LRRC7: variants seen among roughly 807,000 people sequenced by gnomAD.
LRRC7 encodes the protein leucine rich repeat containing 7, also known as leucine-rich repeat-containing protein 7.
LRRC7 carries 23 observed loss-of-function variants against 175.7 expected under a neutral mutation model. The observed-to-expected ratio is 0.13, with a 90% confidence interval of 0.09 to 0.19. LRRC7 has a LOEUF of 0.19. Ranked by LOEUF, LRRC7 falls within the 10% of genes least tolerant of loss-of-function variation. The pLI is 1.00. For synonymous variants in LRRC7, 685 were observed against 680.9 expected, an observed-to-expected ratio of 1.01 and a Z score of -0.09; for missense variants, 1,354 against 1,904.7, an observed-to-expected ratio of 0.71 and a Z score of 5.38.
At chr1:69,922,027 G>C (rs566527966) in intron 7 of LRRC7, among the ~76,000 whole-genome samples, 31 of 152,248 alleles carry the variant, frequency 2.0e-4, no homozygotes, top group African/African-American at 7.0e-4. Flanking sequence ...CCAGATTCAA[G>C]CAATTCTCCT....
At chr1:69,858,704 C>T (rs1684004568) in intron 7 of LRRC7, among the ~76,000 whole-genome samples, 1 of 152,058 alleles carries the variant, frequency 6.6e-6, no homozygotes, top group African/African-American at 2.4e-5. Flanking sequence ...ATATTTATAT[C>T]AGAATCAACT....
At chr1:69,955,231 G>A (rs1041589908) in intron 8 of LRRC7, among the ~76,000 whole-genome samples, 4 of 152,022 alleles carry the variant, frequency 2.6e-5, no homozygotes, top group African/African-American at 9.7e-5. Flanking sequence ...CCCTCAGTGA[G>A]TTCATAGTCT....
chr1:69,764,026 T>C (rs1435495562), intron 3 of LRRC7, among the ~76,000 whole-genome samples: 2 of 151,994 alleles, frequency 1.3e-5, no homozygotes, highest in Middle Eastern at 3.4e-3. Flanking sequence ...TAAAAGGCAT[T>C]AGGGAAGATA....
chr1:69,868,862 A>G (rs1383367747), intron 7 of LRRC7, among the ~76,000 whole-genome samples: 3 of 151,770 alleles, frequency 2.0e-5, no homozygotes, highest in African/African-American at 7.3e-5. Flanking sequence ...ATGTCTTTAC[A>G]TGATTTCTCT....
At chr1:70,099,869 C>T (rs1461412051) in intron 25 of LRRC7, among the ~76,000 whole-genome samples, 6 of 151,992 alleles carry the variant, frequency 3.9e-5, no homozygotes, top group Non-Finnish European at 5.9e-5. Flanking sequence ...GTTGGGGTCC[C>T]ATATTAAATA....
chr1:69,746,717 A>G (rs958986940), intron 2 of LRRC7, among the ~76,000 whole-genome samples: 1 of 152,116 alleles, frequency 6.6e-6, no homozygotes, highest in Non-Finnish European at 1.5e-5. Context: ...CTAGAGATTG[A>G]CAAGAAAACA....
intron 6 of LRRC7, among the ~76,000 whole-genome samples, chr1:69,835,556 A>G (rs1016439977): frequency 3.3e-5 from 5 of 152,000 alleles, no homozygotes; most frequent in Non-Finnish European, 7.4e-5. Context: ...GAGTATAAGA[A>G]CAGAGATGAT....
At chr1:69,704,054 A>G (rs1663715009) in intron 2 of LRRC7, among the ~76,000 whole-genome samples, 1 of 152,026 alleles carries the variant, frequency 6.6e-6, no homozygotes, top group African/African-American at 2.4e-5. Flanking sequence ...GAAAATTTAT[A>G]AACTATACTT....
chr1:70,020,926 C>T, intron 15 of LRRC7, 79 bp from the exon 16 acceptor site: 1 of 1,195,298 alleles, frequency 8.4e-7, no homozygotes, highest in Non-Finnish European at 1.1e-6. Flanking sequence ...TATCTATCAC[C>T]ATTTTTGCAT....
At chr1:70,003,164 G>A (rs938001734) in intron 11 of LRRC7, among the ~76,000 whole-genome samples, 1 of 152,110 alleles carries the variant, frequency 6.6e-6, no homozygotes, top group Non-Finnish European at 1.5e-5. Context: ...TGGGTTGGTT[G>A]TCGGAGGGAA....
Position 70,036,558 on chromosome 1 carries a change from G to T in LRRC7, c.2222G>T (p.Arg741Leu), listed in dbSNP as rs140092259. 1 of 1,614,024 alleles carries T rather than the reference G, an allele frequency of 6.2e-7. No homozygotes were observed. The highest frequency in any genetic ancestry group is 8.5e-7 in the Non-Finnish European group (1 of 1,179,954). Residue 741 changes from arginine (R) to leucine (L), a missense_variant, in exon 20 of 27, where the codon CGG (arginine) becomes CTG (leucine). This residue lies in a region of LRRC7 where 1,032 missense variants were observed against 1,227.2 expected (regional missense o/e 0.84). Transcript: ENST00000651989. The stretch of plus-strand genomic sequence containing the variant: ...GCTTCCTCAGGATCCTCTAATACCC[G>T]GGTTAAAGTGGGGTCCTTGCAGACA... ...SQASSGSSNT[R>L]VKVGSLQTTA...
intron 8 of LRRC7, among the ~76,000 whole-genome samples, chr1:69,964,135 ATTAGCTG>A (rs1478270122): frequency 2.6e-5 from 4 of 152,142 alleles, no homozygotes; most frequent in African/African-American, 9.7e-5. Context: ...CTCCCCATAT[ATTAGCTG>A]TATGACTTTG....
chr1:69,633,075 T>C (rs1652764338), intron 1 of LRRC7, among the ~76,000 whole-genome samples: 1 of 152,006 alleles, frequency 6.6e-6, no homozygotes, highest in South Asian at 2.1e-4. Context: ...TGAGTAATAT[T>C]TTTAAATCTT....
chr1:69,916,416 T>C (rs919049394), intron 7 of LRRC7, among the ~76,000 whole-genome samples: 2 of 150,518 alleles, frequency 1.3e-5, no homozygotes, highest in Non-Finnish European at 3.0e-5. Flanking sequence ...AAACCTATTA[T>C]TGGAAATGTC....
chr1:70,125,273 G>A lies in LRRC7; in HGVS notation c.*3386G>A, dbSNP rs375617848. 6.9e-4 allele frequency among the ~76,000 whole-genome samples: 105 copies of A among 152,252 alleles called. No individual in the cohort carries two copies. Among genetic ancestry groups the A allele is most frequent in the African/African-American group, 2.5e-3 (103 of 41,554 alleles). On this transcript the variant is annotated 3_prime_UTR_variant, in exon 27 of 27. Coordinates refer to ENST00000651989, the MANE Select transcript of LRRC7 (RefSeq NM_001370785.2). The stretch of plus-strand genomic sequence containing the variant: ...GCGGTTTTTACCATTAAAAGTGCAG[G>A]CAAAAACCACAATTACTTTTGTTCC...
chr1:69,716,782 T>G (rs1052695805), intron 2 of LRRC7, among the ~76,000 whole-genome samples: 6 of 151,838 alleles, frequency 4.0e-5, no homozygotes, highest in Non-Finnish European at 5.9e-5. Flanking sequence ...GATGAAAGCA[T>G]GCAATGTTTA....
At chr1:69,757,310 C>A (rs1436397767) in intron 2 of LRRC7, among the ~76,000 whole-genome samples, 3 of 151,952 alleles carry the variant, frequency 2.0e-5, no homozygotes, top group African/African-American at 7.2e-5. Context: ...GTGAGAAAAT[C>A]AGCATGCTCT....
At chr1:69,823,342 A>AT (rs1469394749) in intron 4 of LRRC7, among the ~76,000 whole-genome samples, 1 of 152,144 alleles carries the variant, frequency 6.6e-6, no homozygotes, top group Admixed American at 6.6e-5. Flanking sequence ...ATGTTACCAC[A>AT]TTTTCTAGAA....
chr1:69,860,150 G>T (rs1684202460), intron 7 of LRRC7, among the ~76,000 whole-genome samples: 1 of 151,768 alleles, frequency 6.6e-6, no homozygotes, highest in Non-Finnish European at 1.5e-5. Flanking sequence ...GTTTAAAATA[G>T]CTGAAATATA....
Sources: allele counts gnomAD v4.1 joint callset (sites outside exome capture counted in the v4.1 genomes callset), GRCh38; gene constraint gnomAD v4.1.1; regional missense constraint gnomAD v4.1.1; transcripts MANE v1.5; gene names NCBI Gene and HGNC (gene_info 2026-07-23, HGNC 2026-07-21).